TRANK1: variants seen among roughly 807,000 people sequenced by gnomAD.
TRANK1 encodes the protein tetratricopeptide repeat and ankyrin repeat containing 1.
A neutral mutation model predicts 266.0 loss-of-function variants in TRANK1; 198 were observed. That is an observed-to-expected ratio of 0.74 (90% CI 0.66 to 0.84). TRANK1 has a LOEUF of 0.84. TRANK1 is among the 40% of genes least tolerant of loss of function. The pLI, the probability that TRANK1 is intolerant of heterozygous loss-of-function variation, is 0.00. For synonymous variants in TRANK1, 1,396 were observed against 1,384.1 expected (o/e 1.01, Z -0.19); for missense variants, 3,326 against 3,634.6 (o/e 0.92, Z 2.18).
At chr3:36,886,737 C>CGATGGGGTT (rs2079611849) in intron 8 of TRANK1, among the ~76,000 whole-genome samples, 5 of 151,726 alleles carry the variant, frequency 3.3e-5, no homozygotes, top group African/African-American at 9.7e-5. Flanking sequence ...GTGGTGAAAC[C>CGATGGGGTT]CCATCTTTAC....
intron 9 of TRANK1, among the ~76,000 whole-genome samples, chr3:36,869,932 C>T (rs2079281868): frequency 6.6e-6 from 1 of 152,124 alleles, no homozygotes; most frequent in Non-Finnish European, 1.5e-5. Flanking sequence ...TAGAAAGATC[C>T]CCCAGCCCCA....
At position 36,873,889 on chromosome 3, in the gene TRANK1, G is replaced by C. The variant is rs556148902; in HGVS notation, c.1078+237C>G. Among the ~76,000 whole-genome samples the C allele has an allele frequency of 8.1e-5, 12 of 148,422 alleles. No homozygotes were observed. In the South Asian group the frequency reaches 2.5e-3, roughly 31 times the overall value. On this transcript the variant is annotated intron_variant, in intron 9 of 23. Coordinates refer to ENST00000645898, the MANE Select transcript of TRANK1 (RefSeq NM_001329998.2). ...AAAAAATCACCCACACTGTCAAAAG[G>C]TGGACTTGAAAAAGTTCCCAGAATG...
intron 4 of TRANK1, among the ~76,000 whole-genome samples, chr3:36,896,578 C>A (rs2079793652): frequency 6.6e-6 from 1 of 152,180 alleles, no homozygotes; most frequent in Non-Finnish European, 1.5e-5. Context: ...CTGTTAACTG[C>A]CCCCTTTCAG....
rs2079070170 is a variant in TRANK1, at chr3:36,857,293, C to T, written c.2429G>A (p.Gly810Asp). ...GCTCCAGTCATCCTGATCATCATTG[C>T]CCTCCTTCCCCCTGTTATCATCAGG... Reference protein sequence around the residue: ...LVPDDNRGKEGNDDQDDWSTQ... With the variant: ...LVPDDNRGKEDNDDQDDWSTQ... The change falls in exon 13 of 24, where the codon GGC becomes GAC. Residue 810 changes from glycine to aspartate, a missense_variant. Gly to Asp is a moderately conservative substitution (Grantham distance 94). Transcript: ENST00000645898. The surrounding 1 kb of genome is among the most constrained non-coding windows in gnomAD (Gnocchi z 4.3). 2.5e-6 allele frequency: 4 copies of T among 1,609,198 alleles called. No individual in the cohort carries two copies. The highest frequency in any genetic ancestry group is 3.4e-6 in the Non-Finnish European group (4 of 1,177,528).
intron 8 of TRANK1, among the ~76,000 whole-genome samples, chr3:36,878,072 C>A (rs540053973): frequency 1.3e-5 from 2 of 152,094 alleles, no homozygotes; most frequent in Non-Finnish European, 2.9e-5. Flanking sequence ...TGTTAGGAAG[C>A]GGGCCTCACA....
Position 36,857,992 on chromosome 3 carries a change from G to C in TRANK1, c.1730C>G (p.Thr577Ser). Reference sequence around the variant, plus strand: ...ATTGGGGTTGAGGTAGTCGAATTCAGTGGGGTTGGACCAAAACAGATCCAA... The same window carrying C: ...ATTGGGGTTGAGGTAGTCGAATTCACTGGGGTTGGACCAAAACAGATCCAA... ...HLLDLFWSNP[T>S]EFDYLNPNVQ... The change falls in exon 13 of 24, where the codon ACT (threonine) becomes AGT (serine). Residue 577 changes from threonine (T) to serine (S), a missense_variant. Physicochemically the swap from Thr to Ser is moderately conservative, Grantham distance 58 (BLOSUM62 1). Coordinates refer to ENST00000645898, the MANE Select transcript of TRANK1 (RefSeq NM_001329998.2). This position sits in a 1 kb window ranked among gnomAD's most constrained non-coding sequence, Gnocchi z 4.3. The C allele has an allele frequency of 6.3e-7, 1 of 1,597,940 alleles. No individual in the cohort carries two copies. Among genetic ancestry groups the C allele is most frequent in the Non-Finnish European group, 8.5e-7 (1 of 1,178,656 alleles).
At position 36,939,260 on chromosome 3, in the gene TRANK1, TACACACACACACACACACAC is replaced by T. The variant is rs10623771; in HGVS notation, c.23+5507_23+5526del. 3.1e-4 allele frequency among the ~76,000 whole-genome samples: 43 copies of T among 139,926 alleles called. No individual in the cohort carries two copies. The East Asian group carries it at 7.8e-3, about 25-fold the overall frequency. The allele number at this position is 139,926 out of a possible 152,430, so 91.8% of individuals were successfully genotyped here. ...AATAGTTCAGATTCCCATTCTAACATACACACACACACACACACACACACACACACACACACACGCCTCTA... is the reference window on the plus strand; with the variant it reads ...AATAGTTCAGATTCCCATTCTAACATACACACACACACACACACGCCTCTA... On this transcript the variant is annotated intron_variant, in intron 1 of 23. Transcript: ENST00000645898.
intron 8 of TRANK1, among the ~76,000 whole-genome samples, chr3:36,885,306 A>G (rs997704319): frequency 1.3e-5 from 2 of 152,206 alleles, no homozygotes; most frequent in African/African-American, 2.4e-5. Context: ...CCAAAAACAC[A>G]TAACTTCATT....
At chr3:36,886,130 T>G (rs71328161) in intron 8 of TRANK1, among the ~76,000 whole-genome samples, 2 of 56,658 alleles carry the variant, frequency 3.5e-5, no homozygotes, top group Admixed American at 1.8e-4. Flanking sequence ...GTTGTTGTTG[T>G]TTTTTTTTTT....
intron 1 of TRANK1, among the ~76,000 whole-genome samples, chr3:36,936,572 A>T (rs28633325): frequency 1.3e-5 from 2 of 152,178 alleles, no homozygotes; most frequent in African/African-American, 4.8e-5. Context: ...GAACTTTTTT[A>T]AAAAGTACCA....
chr3:36,856,251 C>T lies in TRANK1; in HGVS notation c.3471G>A (p.Glu1157=), dbSNP rs1559430747. The part of the protein sequence containing the change: ...VETVESIDEQ[E]YEACAGGAGV... ...CGGCTCCTCCTGCGCAGGCTTCATA[C>T]TCCTGCTCATCTATGCTTTCTACTG... Residue 1157 remains glutamate, a synonymous_variant, in exon 13 of 24, where the codon GAG becomes GAA. Transcript: ENST00000645898. The T allele has an allele frequency of 4.3e-6, 7 of 1,611,698 alleles. No homozygotes were observed. Among genetic ancestry groups the T allele is most frequent in the Non-Finnish European group, 5.9e-6 (7 of 1,178,654 alleles).
rs750548262 is a variant in TRANK1, at chr3:36,832,593, C to A, written c.6990G>T (p.Trp2330Cys). Reference sequence around the variant, plus strand: ...GAAGGAAAGCTTGCATGGCACTCAGCCACAGGTCTGTGGATTCCCGGCGGT... The same window carrying A: ...GAAGGAAAGCTTGCATGGCACTCAGACACAGGTCTGTGGATTCCCGGCGGT... ...ARNRRESTDL[W>C]LSAMQAFLLS... The change falls in exon 22 of 24, where the codon TGG (tryptophan) becomes TGT (cysteine). Residue 2330 changes from tryptophan to cysteine, a missense_variant. Trp to Cys is a radical substitution (Grantham distance 215, BLOSUM62 -2). Coordinates refer to ENST00000645898, the MANE Select transcript of TRANK1 (RefSeq NM_001329998.2). 2 of 1,614,022 alleles carry A rather than the reference C, an allele frequency of 1.2e-6. No individual in the cohort carries two copies. The highest frequency in any genetic ancestry group is 1.7e-6 in the Non-Finnish European group (2 of 1,179,900).
At chr3:36,900,330 G>A (rs2079856622) in intron 3 of TRANK1, among the ~76,000 whole-genome samples, 1 of 152,268 alleles carries the variant, frequency 6.6e-6, no homozygotes, top group East Asian at 1.9e-4. Flanking sequence ...CACTGGGTAC[G>A]TAAGAAAACA....
chr3:36,830,475 G>A (rs1170412372), intron 22 of TRANK1, among the ~76,000 whole-genome samples: 7 of 152,238 alleles, frequency 4.6e-5, no homozygotes, highest in Non-Finnish European at 1.0e-4. Flanking sequence ...AATGGGTCAA[G>A]AGAACCTTAA....
intron 17 of TRANK1, 129 bp downstream of exon 17, chr3:36,846,119 A>G (rs1575193337): frequency 9.4e-7 from 1 of 1,066,338 alleles, no homozygotes; most frequent in East Asian, 2.7e-5. Flanking sequence ...AACAACTTCC[A>G]TTTCTCAGAA....
chr3:36,914,489 A>T (rs1466356819), intron 1 of TRANK1, among the ~76,000 whole-genome samples: 1 of 148,750 alleles, frequency 6.7e-6, no homozygotes, highest in Non-Finnish European at 1.5e-5. Context: ...TTGAGGTACA[A>T]TTTACATATG....
chr3:36,859,579 G>A (rs1057019727), intron 11 of TRANK1, among the ~76,000 whole-genome samples: 5 of 151,906 alleles, frequency 3.3e-5, no homozygotes, highest in Admixed American at 6.6e-5. Context: ...CTCTCCACCC[G>A]AAATCACCTT....
At chr3:36,934,119 C>T (rs1453106384) in intron 1 of TRANK1, among the ~76,000 whole-genome samples, 1 of 152,224 alleles carries the variant, frequency 6.6e-6, no homozygotes, top group East Asian at 1.9e-4. Flanking sequence ...CAGAGGCAGG[C>T]CAGGGCCTTG....
intron 3 of TRANK1, among the ~76,000 whole-genome samples, chr3:36,900,277 AC>A (rs2079855772): frequency 6.6e-6 from 1 of 152,214 alleles, no homozygotes; most frequent in South Asian, 2.1e-4. Flanking sequence ...TGACATGAAA[AC>A]AAAGGTGTTT....
Sources: gnomAD v4.1 joint callset for allele counts (sites outside exome capture counted in the v4.1 genomes callset) on GRCh38, gnomAD v4.1.1 for gene constraint, Gnocchi (gnomAD v3.1) non-coding constraint, MANE v1.5 for transcripts, NCBI Gene and HGNC (gene_info 2026-07-23, HGNC 2026-07-21) for gene names.